CDC14A: variants seen among roughly 807,000 people sequenced by gnomAD.
The protein encoded by CDC14A is dual specificity protein phosphatase CDC14A.
CDC14A carries 53 observed loss-of-function variants against 74.4 expected under a neutral mutation model. The observed-to-expected ratio is 0.71, with a 90% confidence interval of 0.57 to 0.89. CDC14A has a LOEUF of 0.89. Ranked by LOEUF, CDC14A falls within the 40% of genes least tolerant of loss-of-function variation. The pLI is 0.00. For synonymous variants in CDC14A, 247 were observed against 258.4 expected (o/e 0.96, Z 0.43); for missense variants, 646 against 713.7 (o/e 0.91, Z 1.08).
chr1:100,368,669 G>A (rs969446983), intron 2 of CDC14A, among the ~76,000 whole-genome samples: 1 of 152,172 alleles, frequency 6.6e-6, no homozygotes, highest in African/African-American at 2.4e-5. Flanking sequence ...AAGGTTTGGG[G>A]TATAAATGAT....
At chr1:100,481,441 C>T (rs1437259812) in intron 10 of CDC14A, among the ~76,000 whole-genome samples, 1 of 152,124 alleles carries the variant, frequency 6.6e-6, no homozygotes, top group African/African-American at 2.4e-5. Context: ...GTGTTCTGGA[C>T]TCAGAACTAG....
At position 100,520,241 on chromosome 1, in the gene CDC14A, A is replaced by G. The variant is rs1650578290; in HGVS notation, c.*1961A>G. 6.6e-6 allele frequency: 1 copy of G among 152,594 alleles called. No individual in the cohort carries two copies. The highest frequency in any genetic ancestry group is 2.1e-4 in the South Asian group (1 of 4,830). 9.5% of individuals were successfully genotyped at this position (152,594 alleles called of 1,614,324 possible). On this transcript the variant is annotated 3_prime_UTR_variant, in exon 16 of 16. Coordinates refer to ENST00000336454, the MANE Select transcript of CDC14A (RefSeq NM_003672.4). ...GCTCTATTTTAAAGTGTAGAAGAAT[A>G]CACTGCTAATAAATAATAAAAGTTT...
chr1:100,466,206 A>AG (rs757791560), intron 9 of CDC14A, among the ~76,000 whole-genome samples: 1 of 152,146 alleles, frequency 6.6e-6, no homozygotes, highest in Non-Finnish European at 1.5e-5. Context: ...GAGCAGTGAG[A>AG]GAGAGTGTTG....
In CDC14A at chr1:100,518,336, G is replaced by T; in HGVS notation, c.*56G>T. 3 of 1,437,748 alleles carry T rather than the reference G, an allele frequency of 2.1e-6. No individual in the cohort carries two copies. In the Admixed American group the frequency reaches 5.1e-5, roughly 24 times the overall value. 89.1% of individuals were successfully genotyped at this position (1,437,748 alleles called of 1,614,324 possible). On this transcript the variant is annotated 3_prime_UTR_variant, in exon 16 of 16. Transcript: ENST00000336454. ...CTCTTAGACACAATTTCTTCATCTG[G>T]ACGAGCAGTGGAGAGGGAAAGCAAC...
intron 3 of CDC14A, among the ~76,000 whole-genome samples, chr1:100,382,366 C>T (rs1440673057): frequency 6.7e-6 from 1 of 149,260 alleles, no homozygotes; most frequent in Non-Finnish European, 1.5e-5. Context: ...TAGGTGCACA[C>T]TTCTGCACCC....
chr1:100,515,166 G>A (rs1470725110), intron 15 of CDC14A, among the ~76,000 whole-genome samples: 1 of 152,080 alleles, frequency 6.6e-6, no homozygotes, highest in Non-Finnish European at 1.5e-5. Flanking sequence ...GTTTTTCCTT[G>A]AGGTTTCCTC....
At chr1:100,397,688 G>GT (rs140519676) in intron 4 of CDC14A, among the ~76,000 whole-genome samples, 22 of 151,478 alleles carry the variant, frequency 1.5e-4, no homozygotes, top group Admixed American at 6.6e-4. Context: ...AAGAAATACA[G>GT]TTTTTTTTTC....
chr1:100,366,640 A>G (rs377550910), intron 2 of CDC14A, among the ~76,000 whole-genome samples: 265 of 152,178 alleles, frequency 1.7e-3, no homozygotes, highest in African/African-American at 6.1e-3. Context: ...GTTTGCTCTG[A>G]TCCTTGGGCT....
chr1:100,466,687 A>G (rs1330764014), intron 9 of CDC14A, among the ~76,000 whole-genome samples: 1 of 152,046 alleles, frequency 6.6e-6, no homozygotes, highest in Non-Finnish European at 1.5e-5. Flanking sequence ...ACTGACCAAC[A>G]TGGAGAAACC....
At chr1:100,377,693 G>A (rs943315062) in intron 3 of CDC14A, 72 bp downstream of exon 3, 1 of 1,120,518 alleles carries the variant, frequency 8.9e-7, no homozygotes. Flanking sequence ...AGTGGGGTTG[G>A]TGTGCACAAA....
intron 15 of CDC14A, among the ~76,000 whole-genome samples, chr1:100,512,791 C>T (rs1213557603): frequency 6.6e-6 from 1 of 152,190 alleles, no homozygotes; most frequent in African/African-American, 2.4e-5. Context: ...GAAAAATGCA[C>T]ACACACCTTT....
intron 10 of CDC14A, among the ~76,000 whole-genome samples, chr1:100,474,343 G>C (rs1198851501): frequency 6.6e-6 from 1 of 152,002 alleles, no homozygotes; most frequent in Non-Finnish European, 1.5e-5. Flanking sequence ...GATAATACTA[G>C]TTTCATGAAA....
intron 3 of CDC14A, among the ~76,000 whole-genome samples, chr1:100,381,191 C>T (rs1042766633): frequency 6.6e-6 from 1 of 152,142 alleles, no homozygotes; most frequent in African/African-American, 2.4e-5. Flanking sequence ...TTTGCAGATC[C>T]CCCTTTCTCC....
At chr1:100,428,946 G>A (rs910450009) in intron 5 of CDC14A, among the ~76,000 whole-genome samples, 3 of 152,018 alleles carry the variant, frequency 2.0e-5, no homozygotes, top group South Asian at 2.1e-4. Context: ...GGTGGCTCAC[G>A]CCTGTAATCC....
upstream of CDC14A, among the ~76,000 whole-genome samples, chr1:100,348,588 T>C (rs956651682): frequency 1.2e-4 from 18 of 152,328 alleles, no homozygotes; most frequent in Admixed American, 7.8e-4. Flanking sequence ...GGGCAGAGAC[T>C]GGACTGGAAA....
chr1:100,498,318 G>A, intron 14 of CDC14A, 111 bp downstream of exon 14: 1 of 1,197,500 alleles, frequency 8.4e-7, no homozygotes, highest in South Asian at 1.4e-5. Context: ...GAGAAGAGGA[G>A]AAACCACGGA....
intron 3 of CDC14A, among the ~76,000 whole-genome samples, chr1:100,387,433 CTT>C (rs765180151): frequency 2.0e-5 from 3 of 152,190 alleles, no homozygotes; most frequent in Non-Finnish European, 4.4e-5. Context: ...GCTTTTGAAA[CTT>C]AACCGAGGAA....
intron 3 of CDC14A, 21 bp from the exon 4 acceptor site, chr1:100,390,711 C>A: frequency 6.6e-7 from 1 of 1,503,892 alleles, no homozygotes; most frequent in Non-Finnish European, 9.2e-7. Flanking sequence ...TACACTAACT[C>A]TTTTTATCTC....
chr1:100,435,754 G>A (rs1333521574), intron 5 of CDC14A, among the ~76,000 whole-genome samples: 1 of 150,128 alleles, frequency 6.7e-6, no homozygotes, highest in African/African-American at 2.5e-5. Context: ...AACCCGGGAG[G>A]CAGAGGTTGC....
Sources: allele counts gnomAD v4.1 joint callset (sites outside exome capture counted in the v4.1 genomes callset), GRCh38; gene constraint gnomAD v4.1.1; transcripts MANE v1.5; gene names NCBI Gene and HGNC (gene_info 2026-07-23, HGNC 2026-07-21).